Variants in TMEM273 observed in about 807,000 individuals in gnomAD.
TMEM273 encodes chromosome 10 open reading frame 128.
A neutral mutation model predicts 17.9 loss-of-function variants in TMEM273; 19 were observed. That is an observed-to-expected ratio of 1.06 (90% confidence interval 0.74 to 1.55). The LOEUF (loss-of-function observed/expected upper bound fraction) is 1.55, where lower values mean the gene tolerates loss of function less well. TMEM273 is among the 40% of genes most tolerant of loss of function. The probability of loss-of-function intolerance (pLI) is 0.00; values close to 1 mark genes in which losing one functional copy is unlikely to be tolerated. For missense variants in TMEM273, 194 were observed against 155.6 expected (o/e 1.25, Z -1.31); for synonymous variants, 66 against 62.0 (o/e 1.07, Z -0.31).
chr10:49,163,304 TGTGA>T (rs1205801042), intron 5 of TMEM273, among the ~76,000 whole-genome samples: 94 of 150,276 alleles, frequency 6.3e-4, no homozygotes, highest in African/African-American at 1.2e-3. Context: ...TGTGTGTGTG[TGTGA>T]GAGAGAGAGA....
At chr10:49,179,683 A>G (rs1401300935) in intron 1 of TMEM273, among the ~76,000 whole-genome samples, 1 of 152,248 alleles carries the variant, frequency 6.6e-6, no homozygotes, top group Admixed American at 6.5e-5. Flanking sequence ...TTCAGAACTC[A>G]GGAATAACAG....
chr10:49,183,174 T>C lies in TMEM273; in HGVS notation c.43+5120A>G, dbSNP rs143520749. 2.9e-3 allele frequency among the ~76,000 whole-genome samples: 437 copies of C among 152,328 alleles called. 3 individuals are homozygous for C. The highest frequency in any genetic ancestry group is 0.01 in the African/African-American group (416 of 41,570). ...CTATAGAGGACTTTATTGGATCCTT[T>C]GAAAATATTAGAATATGATAAATAG... On this transcript the variant is annotated intron_variant, in intron 1 of 6. Transcript: ENST00000374153.
intron 6 of TMEM273, among the ~76,000 whole-genome samples, chr10:49,157,627 A>G (rs1193977510): frequency 6.6e-6 from 1 of 152,232 alleles, no homozygotes; most frequent in Non-Finnish European, 1.5e-5. Flanking sequence ...AATCTTTGGC[A>G]AAATCCAACA....
rs187663128 is a variant in TMEM273 at position 49,183,218 on chromosome 10, G to C, written c.43+5076C>G. On this transcript the variant is annotated intron_variant, in intron 1 of 6. Coordinates refer to ENST00000374153, the MANE Select transcript of TMEM273 (RefSeq NM_001288740.3). Reference sequence around the variant, plus strand: ...TAAATAGATTATATAAAAGTATTTTGTCAACATTAAATTTCCTAAAGTTGA... The same window carrying C: ...TAAATAGATTATATAAAAGTATTTTCTCAACATTAAATTTCCTAAAGTTGA... Among the ~76,000 whole-genome samples the C allele has an allele frequency of 1.3e-3, 201 of 152,152 alleles. 1 individual carries two copies. Among genetic ancestry groups the C allele is most frequent in the Non-Finnish European group, 2.2e-3 (148 of 68,008 alleles).
intron 1 of TMEM273, among the ~76,000 whole-genome samples, chr10:49,173,715 C>T (rs1207965828): frequency 6.6e-6 from 1 of 152,212 alleles, no homozygotes; most frequent in Non-Finnish European, 1.5e-5. Flanking sequence ...AAGCTGGACT[C>T]TTCTCCTGGG....
chr10:49,155,690 C>A lies in TMEM273; in HGVS notation c.*202G>T. Reference sequence around the variant, plus strand: ...AATCCTTCCTCTGTGCAGTCCGTTTCTTCCAGAAGAGGCATGATATTTTCC... The same window carrying A: ...AATCCTTCCTCTGTGCAGTCCGTTTATTCCAGAAGAGGCATGATATTTTCC... On this transcript the variant is annotated 3_prime_UTR_variant, in exon 7 of 7. Coordinates refer to ENST00000374153, the MANE Select transcript of TMEM273 (RefSeq NM_001288740.3). The A allele has an allele frequency of 1.4e-6, 1 of 700,682 alleles. No homozygotes were observed. The highest frequency in any genetic ancestry group is 2.4e-6 in the Non-Finnish European group (1 of 422,970). 43.4% of individuals were successfully genotyped at this position (700,682 alleles called of 1,614,324 possible). A position where few individuals can be genotyped will look rare whatever the true frequency, so the allele number is the denominator to read the frequency against.
At chr10:49,168,421 T>C (rs1174671821) in intron 1 of TMEM273, among the ~76,000 whole-genome samples, 1 of 152,140 alleles carries the variant, frequency 6.6e-6, no homozygotes, top group Non-Finnish European at 1.5e-5. Flanking sequence ...CAGACCTGGG[T>C]GAGCTGATCC....
At chr10:49,188,237 C>T in intron 1 of TMEM273, 57 bp downstream of exon 1, 1 of 1,596,370 alleles carries the variant, frequency 6.3e-7, no homozygotes, top group Non-Finnish European at 8.6e-7. Flanking sequence ...AAGGCTCCCC[C>T]AGTTTCCTGC....
rs578150671 is a variant in TMEM273, at chr10:49,164,692, T to C, written c.348+513A>G. ...AGGTTTTACCCATGATGCCTACATA[T>C]ACTAGGGTTCCCTCTGCATTCATGA... On this transcript the variant is annotated intron_variant, in intron 5 of 6. Transcript: ENST00000374153. 7.9e-5 allele frequency among the ~76,000 whole-genome samples: 12 copies of C among 152,316 alleles called. No homozygotes were observed. The South Asian group carries it at 2.3e-3, about 29-fold the overall frequency.
intron 1 of TMEM273, among the ~76,000 whole-genome samples, chr10:49,184,377 T>C (rs1328095027): frequency 1.3e-5 from 2 of 152,120 alleles, no homozygotes; most frequent in Non-Finnish European, 1.5e-5. Flanking sequence ...ATAAGCAACA[T>C]ACTGAGAGAA....
chr10:49,165,114 G>A (rs868347109), intron 5 of TMEM273, 91 bp downstream of exon 5: 52 of 1,443,682 alleles, frequency 3.6e-5, no homozygotes, highest in Middle Eastern at 3.6e-4. Flanking sequence ...TCAATATATC[G>A]TATAGCATCA....
intron 3 of TMEM273, 107 bp from the exon 4 acceptor site, chr10:49,165,903 C>T: frequency 6.9e-7 from 1 of 1,445,248 alleles, no homozygotes; most frequent in Non-Finnish European, 9.6e-7. Flanking sequence ...CTCACGGTTG[C>T]CCTCGAGAGA....
chr10:49,179,374 C>A (rs998165630), intron 1 of TMEM273, among the ~76,000 whole-genome samples: 16 of 152,218 alleles, frequency 1.1e-4, no homozygotes, highest in African/African-American at 3.6e-4. Context: ...AGGCATTCTG[C>A]CTTCATCCCC....
At chr10:49,168,953 A>G (rs570261068) in intron 1 of TMEM273, among the ~76,000 whole-genome samples, 1 of 152,252 alleles carries the variant, frequency 6.6e-6, no homozygotes, top group Admixed American at 6.5e-5. Flanking sequence ...CACAGCAACA[A>G]CTCTGTGAGA....
Position 49,155,701 on chromosome 10 carries a change from G to GGCAT in TMEM273, c.*187_*190dup. ...TGTGCAGTCCGTTTCTTCCAGAAGA[G>GGCAT]GCATGATATTTTCCTTCAGGACAGA... is the stretch of plus-strand genomic sequence containing the variant. On this transcript the variant is annotated 3_prime_UTR_variant, in exon 7 of 7. Coordinates refer to ENST00000374153, the MANE Select transcript of TMEM273 (RefSeq NM_001288740.3). The GGCAT allele has an allele frequency of 1.4e-6, 1 of 730,042 alleles. No individual in the cohort carries two copies. Among genetic ancestry groups the GGCAT allele is most frequent in the Non-Finnish European group, 2.2e-6 (1 of 445,992 alleles). The allele number at this position is 730,042 out of a possible 1,614,324, so 45.2% of individuals were successfully genotyped here.
intron 1 of TMEM273, among the ~76,000 whole-genome samples, chr10:49,182,226 A>G (rs1307174261): frequency 6.6e-6 from 1 of 152,226 alleles, no homozygotes; most frequent in Non-Finnish European, 1.5e-5. Context: ...CACACACCAC[A>G]TAATTCTGAA....
chr10:49,163,876 T>A lies in TMEM273; in HGVS notation c.348+1329A>T, dbSNP rs561888212. Among the ~76,000 whole-genome samples the A allele has an allele frequency of 2.0e-5, 3 of 152,172 alleles. No individual in the cohort carries two copies. The East Asian group carries it at 5.8e-4, about 29-fold the overall frequency. ...CTCAAGAAAATCCATGTCCAGCTCA[T>A]CCCAAGCGCATGACTCCATGAGGGC... is the stretch of plus-strand genomic sequence containing the variant. On this transcript the variant is annotated intron_variant, in intron 5 of 6. Transcript: ENST00000374153.
At chr10:49,187,341 C>A (rs1847788938) in intron 1 of TMEM273, among the ~76,000 whole-genome samples, 2 of 152,196 alleles carry the variant, frequency 1.3e-5, no homozygotes, top group Non-Finnish European at 2.9e-5. Context: ...CTGCTTAGTG[C>A]AGACTTTAGA....
chr10:49,161,342 T>C, intron 6 of TMEM273: 2 of 564,158 alleles, frequency 3.5e-6, no homozygotes, highest in Non-Finnish European at 3.2e-6. Flanking sequence ...ACCTATCCTG[T>C]TAAAACCATT....
Sources: gnomAD v4.1 joint callset for allele counts (sites outside exome capture counted in the v4.1 genomes callset) on GRCh38, gnomAD v4.1.1 for gene constraint, MANE v1.5 for transcripts, NCBI Gene and HGNC (gene_info 2026-07-23, HGNC 2026-07-21) for gene names.